RERE: variants seen among roughly 807,000 people sequenced by gnomAD.
The protein encoded by RERE is arginine-glutamic acid dipeptide repeats protein.
Under a neutral mutation model 146.1 loss-of-function variants are expected in RERE, and 40 were observed. That is an observed-to-expected ratio of 0.27 (90% CI 0.21 to 0.36). The LOEUF (loss-of-function observed/expected upper bound fraction) is 0.36, where lower values mean the gene tolerates loss of function less well. Ranked by LOEUF, RERE falls within the 10% of genes least tolerant of loss-of-function variation. RERE has a pLI of 1.00. For missense variants in RERE, 1,933 were observed against 2,138.7 expected, an observed-to-expected ratio of 0.90 and a Z score of 1.90; for synonymous variants, 1,003 against 866.0, an observed-to-expected ratio of 1.16 and a Z score of -2.78.
intron 4 of RERE, among the ~76,000 whole-genome samples, chr1:8,605,706 T>C (rs1381833996): frequency 5.5e-5 from 7 of 126,912 alleles, no homozygotes; most frequent in Admixed American, 9.9e-5. Flanking sequence ...AATCATGCCA[T>C]TGCACTCCAT....
At chr1:8,494,020 G>A (rs1313061667) in intron 10 of RERE, among the ~76,000 whole-genome samples, 1 of 152,166 alleles carries the variant, frequency 6.6e-6, no homozygotes, top group Non-Finnish European at 1.5e-5. Context: ...AAGAACGAAA[G>A]ACAACTGGTT....
intron 7 of RERE, among the ~76,000 whole-genome samples, chr1:8,538,493 G>A (rs1645755834): frequency 6.6e-6 from 1 of 152,128 alleles, no homozygotes; most frequent in Non-Finnish European, 1.5e-5. Flanking sequence ...GATCATTTGA[G>A]CAGCTGTGGG....
intron 3 of RERE, among the ~76,000 whole-genome samples, chr1:8,621,331 G>A (rs1646913185): frequency 6.6e-6 from 1 of 152,118 alleles, no homozygotes; most frequent in Admixed American, 6.5e-5. Flanking sequence ...ATCTCATAAA[G>A]AGCTATTTCA....
chr1:8,548,127 TAAGA>T (rs550320973), intron 6 of RERE, among the ~76,000 whole-genome samples: 10 of 152,278 alleles, frequency 6.6e-5, no homozygotes, highest in Middle Eastern at 3.4e-3. Flanking sequence ...ACCCTTCATA[TAAGA>T]AAGACGGGGT....
In RERE at chr1:8,360,088, G is replaced by A. The variant is rs201210132; in HGVS notation, c.3395+24C>T. The A allele has an allele frequency of 5.6e-5, 73 of 1,305,816 alleles. No individual in the cohort carries two copies. In the Middle Eastern group the frequency reaches 6.6e-4, roughly 12 times the overall value. The allele number at this position is 1,305,816 out of a possible 1,614,324, so 80.9% of individuals were successfully genotyped here. A position where few individuals can be genotyped will look rare whatever the true frequency, so the allele number is the denominator to read the frequency against. On this transcript the variant is annotated intron_variant, in intron 18 of 22. Transcript: ENST00000400908. ...CCACCAGCCCACCTGTGCCTGACCCGTCCTGGAGCCCTAGGAAGCGTACCT... is the reference window on the plus strand; with the variant it reads ...CCACCAGCCCACCTGTGCCTGACCCATCCTGGAGCCCTAGGAAGCGTACCT...
At chr1:8,714,795 A>T (rs1287594360) in intron 1 of RERE, among the ~76,000 whole-genome samples, 2 of 152,188 alleles carry the variant, frequency 1.3e-5, no homozygotes, top group African/African-American at 4.8e-5. Flanking sequence ...GACGGGGCAT[A>T]CAAAACAAAA....
intron 11 of RERE, among the ~76,000 whole-genome samples, chr1:8,463,650 G>C (rs150187228): frequency 7.6e-4 from 115 of 152,266 alleles, no homozygotes; most frequent in African/African-American, 2.7e-3. Flanking sequence ...TGAAAGAAGG[G>C]AGAGAGGAGA....
chr1:8,358,689 G>T lies in RERE; in HGVS notation c.3846C>A (p.Asp1282Glu), dbSNP rs1431232450. Reference protein sequence around the residue: ...HPFYMPLNPTDPLLAYHMPGL... With the variant: ...HPFYMPLNPTEPLLAYHMPGL... ...CAGGCATGTGGTAGGCCAGCAGGGG[G>T]TCCGTGGGGTTAAGGGGCATGTAGA... The change falls in exon 20 of 23, where the codon GAC becomes GAA. Residue 1282 changes from aspartate to glutamate, a missense_variant. Coordinates refer to ENST00000400908, the MANE Select transcript of RERE (RefSeq NM_001042681.2). 1 of 1,589,096 alleles carries T rather than the reference G, an allele frequency of 6.3e-7. No individual in the cohort carries two copies. The highest frequency in any genetic ancestry group is 8.6e-7 in the Non-Finnish European group (1 of 1,165,392).
In RERE at chr1:8,363,761, C is replaced by A. The variant is rs1045707637; in HGVS notation, c.1740+295G>T. ...GAGATTTGATACAATGGAAGTGACA[C>A]CACAAGCAGCAGCCTTGGAGAGCAA... On this transcript the variant is annotated intron_variant, in intron 15 of 22. Transcript: ENST00000400908. 3 of 452,756 alleles carry A rather than the reference C, an allele frequency of 6.6e-6. No homozygotes were observed. In the Admixed American group the frequency reaches 1.2e-4, roughly 18 times the overall value. The allele number at this position is 452,756 out of a possible 1,614,324, so 28.0% of individuals were successfully genotyped here.
Position 8,685,358 on chromosome 1 carries a change from A to C in RERE, c.-144-28917T>G, listed in dbSNP as rs373610486. On this transcript the variant is annotated intron_variant, in intron 1 of 22. Transcript: ENST00000400908. ...AATTATCATTACTTCCTTACTTTGA[A>C]AGCTACAACCATATTTCCAAGTATT... Among the ~76,000 whole-genome samples the C allele has an allele frequency of 2.0e-4, 30 of 152,208 alleles. No homozygotes were observed. The East Asian group carries it at 2.3e-3, about 12-fold the overall frequency.
chr1:8,383,050 CA>C, intron 12 of RERE, among the ~76,000 whole-genome samples: 1 of 150,792 alleles, frequency 6.6e-6, no homozygotes, highest in Non-Finnish European at 1.5e-5. Flanking sequence ...ATGGTTTCTG[CA>C]ACCAACTTCC....
intron 1 of RERE, among the ~76,000 whole-genome samples, chr1:8,694,758 C>T (rs1304157038): frequency 7.0e-6 from 1 of 142,754 alleles, no homozygotes; most frequent in African/African-American, 2.6e-5. Context: ...GACTCTATCT[C>T]AAAAAAAAAA....
chr1:8,676,988 A>T (rs1168273670), intron 1 of RERE, among the ~76,000 whole-genome samples: 5 of 152,112 alleles, frequency 3.3e-5, no homozygotes, highest in Non-Finnish European at 7.4e-5. Context: ...CTCCCTAAAC[A>T]GCCTCCCCCT....
Position 8,685,483 on chromosome 1 carries a change from A to G in RERE, c.-144-29042T>C, listed in dbSNP as rs572223577. Among the ~76,000 whole-genome samples the G allele has an allele frequency of 8.5e-5, 13 of 152,256 alleles. No homozygotes were observed. In the East Asian group the frequency reaches 1.9e-3, roughly 23 times the overall value. On this transcript the variant is annotated intron_variant, in intron 1 of 22. Transcript: ENST00000400908. ...ACGCCTGTAATCCCAGCACTTTAGG[A>G]GGCCGAGGTGGGTGGATCGCGAGGT...
chr1:8,805,021 T>G (rs1387902357), intron 1 of RERE, among the ~76,000 whole-genome samples: 2 of 143,948 alleles, frequency 1.4e-5, no homozygotes, highest in African/African-American at 5.1e-5. Flanking sequence ...TTTTTTTTTT[T>G]TTTTTTTGAG....
intron 1 of RERE, among the ~76,000 whole-genome samples, chr1:8,735,391 T>G (rs1640175118): frequency 1.3e-5 from 2 of 152,232 alleles, no homozygotes. Flanking sequence ...TTTCTGGAGA[T>G]ATTTCATGCA....
chr1:8,694,043 A>AAT (rs1444179242), intron 1 of RERE, among the ~76,000 whole-genome samples: 4 of 151,862 alleles, frequency 2.6e-5, no homozygotes, highest in African/African-American at 7.2e-5. Flanking sequence ...AAAAAAAAAA[A>AAT]AAAAGGCCAG....
At chr1:8,731,916 C>T (rs775271102) in intron 1 of RERE, among the ~76,000 whole-genome samples, 1 of 152,184 alleles carries the variant, frequency 6.6e-6, no homozygotes, top group Admixed American at 6.5e-5. Context: ...CATTCTCCTG[C>T]CTCAGCCTCC....
At chr1:8,604,583 A>C (rs1049461250) in intron 4 of RERE, among the ~76,000 whole-genome samples, 1 of 76,708 alleles carries the variant, frequency 1.3e-5, no homozygotes, top group African/African-American at 6.4e-5. Context: ...AAAAGAAGGA[A>C]GGAAGGAAGG....
Sources: gnomAD v4.1 joint callset for allele counts (sites outside exome capture counted in the v4.1 genomes callset) on GRCh38, gnomAD v4.1.1 for gene constraint, MANE v1.5 for transcripts, NCBI Gene and HGNC (gene_info 2026-07-23, HGNC 2026-07-21) for gene names.